NUP133: variants seen among roughly 807,000 people sequenced by gnomAD.
NUP133 encodes the protein nuclear pore complex protein Nup133.
A neutral mutation model predicts 146.2 loss-of-function variants in NUP133; 66 were observed. The observed-to-expected ratio is 0.45, with a 90% confidence interval of 0.37 to 0.55. The LOEUF (loss-of-function observed/expected upper bound fraction) is 0.55, where lower values mean the gene tolerates loss of function less well. Among genes scored for constraint, NUP133 ranks in the 20% least tolerant of loss-of-function variants. The probability of loss-of-function intolerance (pLI) is 0.00; values close to 1 mark genes in which losing one functional copy is unlikely to be tolerated. For missense variants in NUP133, 1,277 were observed against 1,374.8 expected (o/e 0.93, Z 1.12); for synonymous variants, 521 against 498.8 (o/e 1.04, Z -0.59).
At chr1:229,478,773 G>A (rs893932826) in intron 12 of NUP133, among the ~76,000 whole-genome samples, 20 of 152,290 alleles carry the variant, frequency 1.3e-4, no homozygotes, top group African/African-American at 3.9e-4. Context: ...TGTAAACCAT[G>A]TTATGGGGTT....
In NUP133 at chr1:229,490,102, A is replaced by G. The variant is rs754829165; in HGVS notation, c.1047T>C (p.Cys349=). 6.5e-6 allele frequency: 10 copies of G among 1,547,170 alleles called. 1 individual carries two copies. The South Asian group carries it at 1.2e-4, about 19-fold the overall frequency. ...NIRYLDLKQN[C]DGLVILAAAW... ...CTGCTGCCAAAATCACCAGCCCATCACTAATCAATAAAAAAGGAAGATGTA... is the reference window on the plus strand; with the variant it reads ...CTGCTGCCAAAATCACCAGCCCATCGCTAATCAATAAAAAAGGAAGATGTA... The change falls in exon 9 of 26, where the codon TGT becomes TGC. Residue 349 remains cysteine (C), a splice_region_variant and synonymous_variant. Transcript: ENST00000261396.
chr1:229,500,183 C>T (rs1035293405), intron 4 of NUP133, among the ~76,000 whole-genome samples: 3 of 152,102 alleles, frequency 2.0e-5, no homozygotes, highest in Middle Eastern at 3.4e-3. Context: ...TCTTCATTTT[C>T]TTGTCTTTGG....
chr1:229,459,067 T>C (rs1038552604), intron 20 of NUP133, among the ~76,000 whole-genome samples: 11 of 152,210 alleles, frequency 7.2e-5, no homozygotes, highest in Non-Finnish European at 1.5e-4. Flanking sequence ...AGTAATAATA[T>C]ATGTATGTGA....
chr1:229,498,558 T>C (rs963384243), intron 5 of NUP133, among the ~76,000 whole-genome samples: 3 of 152,110 alleles, frequency 2.0e-5, no homozygotes, highest in Admixed American at 1.3e-4. Context: ...TCCAGCACTT[T>C]GGGAGCCCAA....
intron 12 of NUP133, among the ~76,000 whole-genome samples, chr1:229,482,972 C>T (rs972027856): frequency 1.8e-4 from 27 of 152,146 alleles, no homozygotes; most frequent in African/African-American, 6.5e-4. Flanking sequence ...GAGCCTACTC[C>T]GAAAAGTAAA....
rs572695155 is a variant in NUP133 at position 229,484,405 on chromosome 1, A to T, written c.1501-260T>A. Among the ~76,000 whole-genome samples the T allele has an allele frequency of 1.5e-4, 23 of 152,310 alleles. 1 individual carries two copies. The highest frequency in any genetic ancestry group is 5.1e-4 in the African/African-American group (21 of 41,566). ...AAAAATTTATGTTTCAAGCAAGTTT[A>T]CGAATTTGTGTTGGGCTGCATTCAA... On this transcript the variant is annotated intron_variant, in intron 11 of 25. Coordinates refer to ENST00000261396, the MANE Select transcript of NUP133 (RefSeq NM_018230.3).
intron 21 of NUP133, among the ~76,000 whole-genome samples, chr1:229,457,894 C>T (rs1410311507): frequency 1.1e-4 from 17 of 152,322 alleles, no homozygotes; most frequent in Middle Eastern, 6.8e-3. Flanking sequence ...GAATATTTAT[C>T]ACTAAAGGTA....
At chr1:229,481,752 G>T (rs1220922517) in intron 12 of NUP133, among the ~76,000 whole-genome samples, 1 of 151,792 alleles carries the variant, frequency 6.6e-6, no homozygotes, top group African/African-American at 2.4e-5. Flanking sequence ...GACAATGGAG[G>T]CAGAAACTGG....
chr1:229,501,994 A>G lies in NUP133; in HGVS notation c.405+5T>C, dbSNP rs1661812936. On this transcript the variant is annotated splice_donor_5th_base_variant and intron_variant, in intron 3 of 25. Coordinates refer to ENST00000261396, the MANE Select transcript of NUP133 (RefSeq NM_018230.3). ...TCTTGTTCCAGCTCTCTAAAGAGCC[A>G]TTACCTTAGTAATAGGTGACAGAGC... is the stretch of plus-strand genomic sequence containing the variant. 6.3e-7 allele frequency: 1 copy of G among 1,594,588 alleles called. No homozygotes were observed. The highest frequency in any genetic ancestry group is 1.3e-5 in the African/African-American group (1 of 74,532).
In NUP133 at chr1:229,500,747, G is replaced by T; in HGVS notation, c.513+9C>A. ...AAAGTTTATTTAAATAAGCTTTTAA[G>T]TCACCTACCTGAGTAGAATGTGCTT... On this transcript the variant is annotated intron_variant, in intron 4 of 25. Coordinates refer to ENST00000261396, the MANE Select transcript of NUP133 (RefSeq NM_018230.3). 2 of 1,560,472 alleles carry T rather than the reference G, an allele frequency of 1.3e-6. No homozygotes were observed. The highest frequency in any genetic ancestry group is 1.4e-5 in the African/African-American group (1 of 73,440).
intron 23 of NUP133, among the ~76,000 whole-genome samples, chr1:229,449,937 T>C (rs1296296942): frequency 2.1e-5 from 3 of 142,974 alleles, no homozygotes. Context: ...TTGAGTTCAG[T>C]GGCATGATCT....
chr1:229,444,999 C>A lies in NUP133; in HGVS notation c.3249G>T (p.Trp1083Cys). ...ILCKALQRDN[W>C]SSSDGKDDPI... is the part of the protein sequence containing the mutation. ...GATCATCTTTGCCATCAGAACTGGA[C>A]CAGCTAGAAAACAAAATCATTATGA... Residue 1083 changes from tryptophan to cysteine, a missense_variant, in exon 25 of 26, where the codon TGG becomes TGT. This residue lies in a region of NUP133 where 952 missense variants were observed against 1,047.0 expected (regional missense o/e 0.91). Coordinates refer to ENST00000261396, the MANE Select transcript of NUP133 (RefSeq NM_018230.3). The A allele has an allele frequency of 2.5e-6, 4 of 1,606,466 alleles. No individual in the cohort carries two copies. Among genetic ancestry groups the A allele is most frequent in the Non-Finnish European group, 3.4e-6 (4 of 1,175,214 alleles).
At chr1:229,501,268 A>C (rs960800732) in intron 3 of NUP133, among the ~76,000 whole-genome samples, 18 of 152,218 alleles carry the variant, frequency 1.2e-4, no homozygotes, top group African/African-American at 4.3e-4. Context: ...TACCTAGGAA[A>C]CAATTTCTTA....
intron 14 of NUP133, among the ~76,000 whole-genome samples, chr1:229,472,729 T>TATATATATATATATATATATATATATAC (rs1558097685): frequency 4.7e-5 from 7 of 147,926 alleles, no homozygotes; most frequent in Admixed American, 2.0e-4. Context: ...TATATATATG[T>TATATATATATATATATATATATATATAC]ACAATCATTC....
chr1:229,495,480 A>C lies in NUP133; in HGVS notation c.1046+15T>G. On this transcript the variant is annotated intron_variant, in intron 8 of 25. Coordinates refer to ENST00000261396, the MANE Select transcript of NUP133 (RefSeq NM_018230.3). ...AACTCTTCTCTATGTTCTTTACGAC[A>C]AATTAATTGCTTACCAGTTTTGCTT... 1 of 1,587,836 alleles carries C rather than the reference A, an allele frequency of 6.3e-7. No homozygotes were observed. The highest frequency in any genetic ancestry group is 8.6e-7 in the Non-Finnish European group (1 of 1,157,630).
intron 14 of NUP133, among the ~76,000 whole-genome samples, chr1:229,475,290 T>C (rs1661049308): frequency 6.6e-6 from 1 of 152,078 alleles, no homozygotes; most frequent in Admixed American, 6.5e-5. Context: ...AGGATAACCT[T>C]TACCCAAAAA....
At chr1:229,452,906 A>G (rs890906490) in intron 21 of NUP133, among the ~76,000 whole-genome samples, 2 of 152,200 alleles carry the variant, frequency 1.3e-5, no homozygotes, top group African/African-American at 4.8e-5. Flanking sequence ...AAGTAAGGAA[A>G]TACGTTCAAT....
intron 8 of NUP133, among the ~76,000 whole-genome samples, chr1:229,492,192 C>T (rs568055740): frequency 1.1e-4 from 17 of 151,854 alleles, no homozygotes; most frequent in African/African-American, 2.9e-4. Flanking sequence ...CTGCAACCTC[C>T]GCCTCCTGGG....
At chr1:229,496,152 A>G in intron 6 of NUP133, 105 bp from the exon 7 acceptor site, 1 of 888,672 alleles carries the variant, frequency 1.1e-6, no homozygotes, top group South Asian at 2.2e-5. Flanking sequence ...TAATCCTAGC[A>G]GAATTCTTCA....
Sources: gnomAD v4.1 joint callset for allele counts (sites outside exome capture counted in the v4.1 genomes callset) on GRCh38, gnomAD v4.1.1 for gene constraint, gnomAD v4.1.1 regional missense constraint, MANE v1.5 for transcripts, NCBI Gene and HGNC (gene_info 2026-07-23, HGNC 2026-07-21) for gene names.